Variants in KDM4C observed in about 807,000 individuals in gnomAD.
The protein encoded by KDM4C is lysine-specific demethylase 4C.
KDM4C carries 81 observed loss-of-function variants against 129.3 expected under a neutral mutation model. That is an observed-to-expected ratio of 0.63 (90% confidence interval 0.52 to 0.75). The LOEUF (loss-of-function observed/expected upper bound fraction) is 0.75. KDM4C is among the 30% of genes least tolerant of loss of function. KDM4C has a pLI of 0.00. For synonymous variants in KDM4C, 573 were observed against 456.1 expected (o/e 1.26, Z -3.26); for missense variants, 1,457 against 1,304.0 (o/e 1.12, Z -1.81).
chr9:7,062,041 C>G (rs1029230080), intron 17 of KDM4C, among the ~76,000 whole-genome samples: 1 of 152,086 alleles, frequency 6.6e-6, no homozygotes, highest in African/African-American at 2.4e-5. Flanking sequence ...GATCTTGGCT[C>G]ACTGCAAGCT....
chr9:7,034,954 C>T (rs1827374873), intron 15 of KDM4C, among the ~76,000 whole-genome samples: 1 of 152,054 alleles, frequency 6.6e-6, no homozygotes, highest in African/African-American at 2.4e-5. Flanking sequence ...TATTTGTTTT[C>T]CATTTGTATG....
chr9:6,778,062 A>T (rs1161801833), intron 1 of KDM4C, among the ~76,000 whole-genome samples: 4 of 150,026 alleles, frequency 2.7e-5, no homozygotes, highest in Non-Finnish European at 5.9e-5. Flanking sequence ...CTGGGACTAC[A>T]GGCATGCCAC....
At chr9:7,145,224 C>T (rs1187788910) in intron 19 of KDM4C, among the ~76,000 whole-genome samples, 4 of 152,116 alleles carry the variant, frequency 2.6e-5, no homozygotes, top group African/African-American at 7.2e-5. Context: ...TACGTGTCTG[C>T]GTTTGATTTT....
At chr9:6,800,518 A>C (rs1437328582) in intron 2 of KDM4C, among the ~76,000 whole-genome samples, 1 of 152,198 alleles carries the variant, frequency 6.6e-6, no homozygotes, top group African/African-American at 2.4e-5. Flanking sequence ...AAGCCTGGGC[A>C]ACAGAGTCCC....
intron 17 of KDM4C, among the ~76,000 whole-genome samples, chr9:7,074,626 G>A (rs1172110058): frequency 6.6e-6 from 1 of 152,132 alleles, no homozygotes; most frequent in Non-Finnish European, 1.5e-5. Flanking sequence ...ATAAAGGAAT[G>A]CATATATTTT....
intron 17 of KDM4C, among the ~76,000 whole-genome samples, chr9:7,073,328 T>C (rs553475876): frequency 6.6e-6 from 1 of 152,380 alleles, no homozygotes; most frequent in Admixed American, 6.5e-5. Context: ...TATGCGATGT[T>C]AGCACAATGG....
chr9:6,899,969 A>G (rs116638213), intron 8 of KDM4C, among the ~76,000 whole-genome samples: 2,698 of 152,322 alleles, frequency 0.018, 76 homozygotes, highest in African/African-American at 0.061. Context: ...TGCCTTTTGA[A>G]TAACTTCTAT....
intron 8 of KDM4C, among the ~76,000 whole-genome samples, chr9:6,975,865 C>T (rs1367153134): frequency 2.6e-5 from 4 of 152,122 alleles, no homozygotes; most frequent in African/African-American, 9.7e-5. Flanking sequence ...TAGCAAAACC[C>T]CGTCTCTACT....
At chr9:7,039,441 T>C (rs1302598932) in intron 15 of KDM4C, among the ~76,000 whole-genome samples, 2 of 151,968 alleles carry the variant, frequency 1.3e-5, no homozygotes, top group Non-Finnish European at 1.5e-5. Context: ...TTAGAGTCTC[T>C]TTTTTATATT....
intron 4 of KDM4C, among the ~76,000 whole-genome samples, chr9:6,842,596 A>G (rs1564139908): frequency 2.0e-5 from 3 of 151,994 alleles, no homozygotes; most frequent in Non-Finnish European, 2.9e-5. Flanking sequence ...TTGGGCTCCC[A>G]AAGTGCTGGG....
chr9:6,810,727 C>T (rs1177953526), intron 3 of KDM4C, among the ~76,000 whole-genome samples: 1 of 151,726 alleles, frequency 6.6e-6, no homozygotes, highest in African/African-American at 2.4e-5. Flanking sequence ...AAAAATTAGC[C>T]ATGCATGGTG....
chr9:6,983,371 C>A (rs1453623470), intron 9 of KDM4C, among the ~76,000 whole-genome samples: 1 of 152,084 alleles, frequency 6.6e-6, no homozygotes, highest in Non-Finnish European at 1.5e-5. Flanking sequence ...AAGTGACCTG[C>A]TGGAAAATAC....
intron 1 of KDM4C, among the ~76,000 whole-genome samples, chr9:6,745,828 A>C (rs573209897): frequency 9.7e-5 from 14 of 144,730 alleles, no homozygotes; most frequent in Non-Finnish European, 2.0e-4. Context: ...TTATTTTTTG[A>C]GGTGGAGTTT....
intron 3 of KDM4C, among the ~76,000 whole-genome samples, chr9:6,809,454 G>A (rs1408703900): frequency 6.6e-6 from 1 of 152,188 alleles, no homozygotes; most frequent in Non-Finnish European, 1.5e-5. Flanking sequence ...AGGTCATTGA[G>A]TAGTAACTCT....
intron 8 of KDM4C, 108 bp from the exon 9 acceptor site, chr9:6,980,817 C>T: frequency 1.1e-6 from 1 of 893,396 alleles, no homozygotes; most frequent in South Asian, 1.6e-5. Context: ...GCATTATCCT[C>T]CATTATGTAG....
intron 20 of KDM4C, among the ~76,000 whole-genome samples, chr9:7,167,253 A>G (rs906580244): frequency 2.6e-5 from 4 of 152,200 alleles, no homozygotes; most frequent in African/African-American, 9.6e-5. Context: ...TAGGGTGGAC[A>G]ACCATCCCTG....
At chr9:7,136,156 C>A (rs1841186084) in intron 19 of KDM4C, among the ~76,000 whole-genome samples, 3 of 152,308 alleles carry the variant, frequency 2.0e-5, no homozygotes, top group African/African-American at 7.2e-5. Context: ...AGACGCTTTG[C>A]AATGTTTACT....
At chr9:6,962,559 A>C (rs1442278621) in intron 8 of KDM4C, among the ~76,000 whole-genome samples, 5 of 152,194 alleles carry the variant, frequency 3.3e-5, no homozygotes, top group Non-Finnish European at 5.9e-5. Context: ...AAATCCTATA[A>C]ATGTTTTCAG....
chr9:7,161,485 A>G (rs1843787121), intron 19 of KDM4C, among the ~76,000 whole-genome samples: 1 of 152,196 alleles, frequency 6.6e-6, no homozygotes, highest in African/African-American at 2.4e-5. Context: ...TTTAAAAGAA[A>G]CTTCTCTACC....
Sources: gnomAD v4.1 joint callset for allele counts (sites outside exome capture counted in the v4.1 genomes callset) on GRCh38, gnomAD v4.1.1 for gene constraint, MANE v1.5 for transcripts, NCBI Gene and HGNC (gene_info 2026-07-23, HGNC 2026-07-21) for gene names.